Variants in HMOX1 observed in about 807,000 individuals in gnomAD.
The protein encoded by HMOX1 is heat shock protein, 32-kD.
In HMOX1, 22 loss-of-function variants were observed where a neutral mutation model predicts 27.8. The ratio of observed to expected loss-of-function variants is 0.79; its 90% CI spans 0.57 to 1.13. The LOEUF (loss-of-function observed/expected upper bound fraction) is 1.13. Ranked by LOEUF, HMOX1 falls within the 50% of genes most tolerant of loss-of-function variation. The pLI, the probability that HMOX1 is intolerant of heterozygous loss-of-function variation, is 0.00. For synonymous variants in HMOX1, 153 were observed against 151.6 expected (o/e 1.01, Z -0.07); for missense variants, 379 against 377.7 (o/e 1.00, Z -0.03).
Position 35,383,001 on chromosome 22 carries a change from G to A in HMOX1, c.24-105G>A, listed in dbSNP as rs1300689220. ...GCGATTGAGAACGTGGCCTGAATGA[G>A]GATGGGAGTCTCTTGAAGGCCTGCC... is the stretch of plus-strand genomic sequence containing the variant. On this transcript the variant is annotated intron_variant, in intron 1 of 4. Transcript: ENST00000216117. The A allele has an allele frequency of 3.0e-5, 45 of 1,483,458 alleles. No homozygotes were observed. In the South Asian group the frequency reaches 4.2e-4, roughly 14 times the overall value. The allele number at this position is 1,483,458 out of a possible 1,614,324, so 91.9% of individuals were successfully genotyped here. A position where few individuals can be genotyped will look rare whatever the true frequency, so the allele number is the denominator to read the frequency against.
intron 3 of HMOX1, among the ~76,000 whole-genome samples, chr22:35,387,385 G>T (rs1931537765): frequency 6.6e-6 from 1 of 152,156 alleles, no homozygotes; most frequent in Non-Finnish European, 1.5e-5. Flanking sequence ...GGATAATAAT[G>T]GTACCTATAT....
chr22:35,383,084 A>G, intron 1 of HMOX1, 22 bp from the exon 2 acceptor site: 1 of 1,612,586 alleles, frequency 6.2e-7, no homozygotes, highest in Non-Finnish European at 8.5e-7. Context: ...CTTTGTGTTC[A>G]CCTTTCCCAT....
At chr22:35,385,246 A>G (rs1200676153) in intron 2 of HMOX1, among the ~76,000 whole-genome samples, 2 of 151,984 alleles carry the variant, frequency 1.3e-5, no homozygotes, top group African/African-American at 4.8e-5. Context: ...CCAGAAGCAC[A>G]TGGCCAATCT....
At chr22:35,388,995 C>G (rs1931580532) in intron 3 of HMOX1, among the ~76,000 whole-genome samples, 1 of 152,120 alleles carries the variant, frequency 6.6e-6, no homozygotes, top group Non-Finnish European at 1.5e-5. Context: ...AGTGCATGTA[C>G]TAGGATACCA....
chr22:35,389,229 C>CTTTCTTTCTTTCTTTCTTTCTTTTCTT (rs1555901538), intron 3 of HMOX1, among the ~76,000 whole-genome samples: 1 of 116,976 alleles, frequency 8.5e-6, no homozygotes, highest in African/African-American at 5.3e-5. Context: ...TTCTTTCTTT[C>CTTTCTTTCTTTCTTTCTTTCTTTTCTT]TTTCTTTCTT....
intron 2 of HMOX1, among the ~76,000 whole-genome samples, chr22:35,385,608 GCT>G (rs1789075283): frequency 1.5e-5 from 2 of 129,600 alleles, no homozygotes; most frequent in South Asian, 4.9e-4. Flanking sequence ...GCCATACCTG[GCT>G]TTTTTTTTTT....
chr22:35,389,341 C>CTTCCTTCCT (rs1439407164), intron 3 of HMOX1, among the ~76,000 whole-genome samples: 1 of 62,538 alleles, frequency 1.6e-5, no homozygotes, highest in Non-Finnish European at 2.7e-5. Flanking sequence ...TTTCTTTCTT[C>CTTCCTTCCT]TCCTTCCTTC....
rs1569057127 is a variant in HMOX1, at chr22:35,389,247, C to CTTTCTT, written c.637-614_637-613insCTTTTT. ...TTTCTTTCTTTCTTTCTTTTTCTTT[C>CTTTCTT]TTTTCTCTCTCTCTCTCTCTCTCTC... is the stretch of plus-strand genomic sequence containing the variant. On this transcript the variant is annotated intron_variant, in intron 3 of 4. Transcript: ENST00000216117. 9.2e-4 allele frequency among the ~76,000 whole-genome samples: 110 copies of CTTTCTT among 119,644 alleles called. 18 individuals carry two copies. The highest frequency in any genetic ancestry group is 4.4e-3 in the African/African-American group (100 of 22,654). 78.5% of individuals were successfully genotyped at this position (119,644 alleles called of 152,430 possible). A position where few individuals can be genotyped will look rare whatever the true frequency, so the allele number is the denominator to read the frequency against.
rs1263756447 is a variant in HMOX1 at position 35,393,811 on chromosome 22, C to T, written c.*213C>T. On this transcript the variant is annotated 3_prime_UTR_variant, in exon 5 of 5. Transcript: ENST00000216117. ...CACATCCAGGCAATGGCCTAAACTTCAGAGGGGGCGAAGGGATCAGCCCTG... is the reference window on the plus strand; with the variant it reads ...CACATCCAGGCAATGGCCTAAACTTTAGAGGGGGCGAAGGGATCAGCCCTG... 3.3e-6 allele frequency: 2 copies of T among 605,546 alleles called. No individual in the cohort carries two copies. The highest frequency in any genetic ancestry group is 6.4e-5 in the East Asian group (2 of 31,284). The allele number at this position is 605,546 out of a possible 1,614,324, so 37.5% of individuals were successfully genotyped here.
intron 1 of HMOX1, among the ~76,000 whole-genome samples, chr22:35,382,663 CTTTTTTTCT>C (rs1931411590): frequency 1.4e-5 from 2 of 145,768 alleles, no homozygotes; most frequent in South Asian, 4.4e-4. Context: ...ATGCCTGGCC[CTTTTTTTCT>C]TTTTTTTTCT....
intron 4 of HMOX1, among the ~76,000 whole-genome samples, chr22:35,391,450 G>C (rs1931717245): frequency 6.6e-6 from 1 of 151,726 alleles, no homozygotes; most frequent in African/African-American, 2.4e-5. Context: ...ACCATGCCTG[G>C]CTAATTTTTT....
intron 2 of HMOX1, among the ~76,000 whole-genome samples, chr22:35,384,372 C>T (rs1931458677): frequency 1.4e-5 from 2 of 146,990 alleles, no homozygotes; most frequent in South Asian, 4.2e-4. Flanking sequence ...GTGTGAGCCA[C>T]CACCCGGCCG....
intron 2 of HMOX1, among the ~76,000 whole-genome samples, chr22:35,384,950 CA>C (rs1931469727): frequency 6.6e-6 from 1 of 151,840 alleles, no homozygotes; most frequent in African/African-American, 2.4e-5. Context: ...CTCAAAAACC[CA>C]GGCTCTTTTG....
In HMOX1 at chr22:35,389,430, ATCTT is replaced by A. The variant is rs1362902173; in HGVS notation, c.637-416_637-413del. Among the ~76,000 whole-genome samples the A allele has an allele frequency of 7.5e-3, 259 of 34,666 alleles. 42 individuals are homozygous for A. The highest frequency in any genetic ancestry group is 0.045 in the African/African-American group (234 of 5,220). The allele number at this position is 34,666 out of a possible 152,430, so 22.7% of individuals were successfully genotyped here. On this transcript the variant is annotated intron_variant, in intron 3 of 4. Transcript: ENST00000216117. ...TTTCTTTCTTTCTTTCTTTCTTTCT[ATCTT>A]TCTTTCTTTCTTTCTTTTCTTTCTT...
rs187167375 is a variant in HMOX1 at position 35,384,284 on chromosome 22, A to G, written c.144+1058A>G. 5.3e-5 allele frequency among the ~76,000 whole-genome samples: 8 copies of G among 152,078 alleles called. No individual in the cohort carries two copies. The East Asian group carries it at 1.5e-3, about 29-fold the overall frequency. ...TTTTTAGTAGAGACAGGGTTTTACCATGTTGGCCAGGCTGGTCTCGAACTC... is the reference window on the plus strand; with the variant it reads ...TTTTTAGTAGAGACAGGGTTTTACCGTGTTGGCCAGGCTGGTCTCGAACTC... On this transcript the variant is annotated intron_variant, in intron 2 of 4. Transcript: ENST00000216117.
At chr22:35,389,034 A>G (rs1230315346) in intron 3 of HMOX1, among the ~76,000 whole-genome samples, 1 of 152,160 alleles carries the variant, frequency 6.6e-6, no homozygotes, top group Admixed American at 6.6e-5. Flanking sequence ...CAAGCAACGC[A>G]GCCTTTTGCA....
chr22:35,385,590 C>T (rs1453769331), intron 2 of HMOX1, among the ~76,000 whole-genome samples: 1 of 150,878 alleles, frequency 6.6e-6, no homozygotes, highest in Non-Finnish European at 1.5e-5. Context: ...TAGGCATGCA[C>T]CCCCACAGCC....
rs372077518 is a variant in HMOX1, at chr22:35,391,585, C to CATTTTTT, written c.736+1622_736+1623insATTTTTT. ...TACAGGTGTGAGCCACCGCGCCCGG[C>CATTTTTT]CTTTTTTTTTTTTTTTTTTTTTTTT... On this transcript the variant is annotated intron_variant, in intron 4 of 4. Transcript: ENST00000216117. 1.3e-4 allele frequency among the ~76,000 whole-genome samples: 15 copies of CATTTTTT among 112,476 alleles called. 1 individual carries two copies. Among genetic ancestry groups the CATTTTTT allele is most frequent in the African/African-American group, 1.7e-4 (4 of 23,476 alleles). 73.8% of individuals were successfully genotyped at this position (112,476 alleles called of 152,430 possible). A position where few individuals can be genotyped will look rare whatever the true frequency, so the allele number is the denominator to read the frequency against.
intron 3 of HMOX1, among the ~76,000 whole-genome samples, chr22:35,388,113 AT>A: frequency 6.7e-6 from 1 of 148,684 alleles, no homozygotes; most frequent in Admixed American, 6.6e-5. Context: ...AAAATAAAAA[AT>A]AAAAAAAAAT....
Sources: gnomAD v4.1 joint callset for allele counts (sites outside exome capture counted in the v4.1 genomes callset) on GRCh38, gnomAD v4.1.1 for gene constraint, MANE v1.5 for transcripts, NCBI Gene and HGNC (gene_info 2026-07-23, HGNC 2026-07-21) for gene names.